Variants in HELLS observed in about 807,000 individuals in gnomAD.
The protein encoded by HELLS is lymphoid-specific helicase.
A neutral mutation model predicts 120.0 loss-of-function variants in HELLS; 32 were observed. That is an observed-to-expected ratio of 0.27 (90% CI 0.20 to 0.36). The LOEUF (loss-of-function observed/expected upper bound fraction) is 0.36, where lower values mean the gene tolerates loss of function less well. Among genes scored for constraint, HELLS ranks in the 10% least tolerant of loss-of-function variants. The probability of loss-of-function intolerance (pLI) is 1.00; values close to 1 mark genes in which losing one functional copy is unlikely to be tolerated. For missense variants in HELLS, 650 were observed against 993.4 expected (o/e 0.65, Z 4.65); for synonymous variants, 341 against 323.4 (o/e 1.05, Z -0.58).
chr10:94,589,608 G>A (rs1163317570), intron 13 of HELLS, among the ~76,000 whole-genome samples: 2 of 149,980 alleles, frequency 1.3e-5, no homozygotes, highest in African/African-American at 2.5e-5. Flanking sequence ...ATAAACCTAC[G>A]TATTTTCTTT....
intron 6 of HELLS, chr10:94,571,148 A>G (rs1272259174): frequency 3.1e-6 from 1 of 320,810 alleles, no homozygotes; most frequent in Non-Finnish European, 5.6e-6. Flanking sequence ...AAGCTGGAAA[A>G]TCACTGTATT....
At chr10:94,598,612 T>G (rs879741920) in intron 21 of HELLS, among the ~76,000 whole-genome samples, 91 of 151,290 alleles carry the variant, frequency 6.0e-4, no homozygotes, top group South Asian at 2.7e-3. Flanking sequence ...GGAAGTTTTT[T>G]TTTTTTTTTT....
At position 94,596,859 on chromosome 10, in the gene HELLS, G is replaced by T. The variant is rs1324396851; in HGVS notation, c.2249-1G>T. 1 of 1,385,698 alleles carries T rather than the reference G, an allele frequency of 7.2e-7. No individual in the cohort carries two copies. The highest frequency in any genetic ancestry group is 1.0e-6 in the Non-Finnish European group (1 of 987,196). The allele number at this position is 1,385,698 out of a possible 1,614,324, so 85.8% of individuals were successfully genotyped here. A position where few individuals can be genotyped will look rare whatever the true frequency, so the allele number is the denominator to read the frequency against. On this transcript the variant is annotated splice_acceptor_variant, in intron 19 of 21. Coordinates refer to ENST00000348459, the MANE Select transcript of HELLS (RefSeq NM_018063.5). LOFTEE classifies it high-confidence loss of function. ...TGTTTTTAATTTCTCATTTTTTTTAGATCATTTCAAAGGTGGTCAGTCTGG... is the reference window on the plus strand; with the variant it reads ...TGTTTTTAATTTCTCATTTTTTTTATATCATTTCAAAGGTGGTCAGTCTGG...
intron 19 of HELLS, 61 bp downstream of exon 19, chr10:94,594,915 G>GT: frequency 3.0e-6 from 4 of 1,315,746 alleles, no homozygotes; most frequent in Non-Finnish European, 4.2e-6. Flanking sequence ...TGTGGATTTT[G>GT]TTTTTATTTT....
chr10:94,613,157 G>C (rs1846211139), exon 10 of HELLS: 1 of 152,154 alleles, frequency 6.6e-6, no homozygotes, highest in Admixed American at 6.5e-5. Flanking sequence ...GTACTTTTCA[G>C]AACGATTGTG....
At chr10:94,594,903 G>C (rs1218007251) in intron 19 of HELLS, 49 bp downstream of exon 19, 1 of 1,391,340 alleles carries the variant, frequency 7.2e-7, no homozygotes, top group Non-Finnish European at 1.0e-6. Context: ...TGCATTGTGT[G>C]TTGTGGATTT....
intron 4 of HELLS, 41 bp from the exon 5 acceptor site, chr10:94,562,650 G>A (rs1156298272): frequency 1.4e-6 from 2 of 1,388,148 alleles, no homozygotes; most frequent in South Asian, 2.5e-5. Context: ...ATACTATGAA[G>A]GTCCTTAATA....
chr10:94,563,971 C>T (rs1290381199), intron 6 of HELLS, among the ~76,000 whole-genome samples: 3 of 151,932 alleles, frequency 2.0e-5, no homozygotes, highest in Non-Finnish European at 2.9e-5. Context: ...CCACCACACC[C>T]GGCTAATTTT....
chr10:94,609,011 C>CTTT lies in HELLS; in HGVS notation c.*2-815_*2-813dup, dbSNP rs71031590. On this transcript the variant is annotated intron_variant, in intron 9 of 9. Transcript: ENST00000371327. Reference sequence around the variant, plus strand: ...TTACACTTTTTGTCTGTATCCACCTCTTTTTTTTTTTTTTTTTTTTTTTTT... The same window carrying CTTT: ...TTACACTTTTTGTCTGTATCCACCTCTTTTTTTTTTTTTTTTTTTTTTTTTTTT... 2.4e-3 allele frequency among the ~76,000 whole-genome samples: 164 copies of CTTT among 68,234 alleles called. 22 individuals carry two copies. Among genetic ancestry groups the CTTT allele is most frequent in the African/African-American group, 3.4e-3 (60 of 17,402 alleles). The allele number at this position is 68,234 out of a possible 152,430, so 44.8% of individuals were successfully genotyped here. A position where few individuals can be genotyped will look rare whatever the true frequency, so the allele number is the denominator to read the frequency against.
chr10:94,603,209 ACTC>A (rs1303292146), downstream of HELLS, among the ~76,000 whole-genome samples: 2 of 151,686 alleles, frequency 1.3e-5, no homozygotes, highest in East Asian at 3.9e-4. Flanking sequence ...TTATAGCAAA[ACTC>A]CTTGCCTGTA....
intron 2 of HELLS, 46 bp from the exon 3 acceptor site, chr10:94,554,080 T>C: frequency 6.6e-7 from 1 of 1,504,306 alleles, no homozygotes; most frequent in Non-Finnish European, 8.8e-7. Context: ...AAAATTAAGG[T>C]ATGTCAGAAA....
intron 2 of HELLS, among the ~76,000 whole-genome samples, chr10:94,551,925 G>A (rs1842997177): frequency 6.6e-6 from 1 of 151,996 alleles, no homozygotes; most frequent in South Asian, 2.1e-4. Context: ...ATTTTTAGTA[G>A]AGACAGGGTT....
At chr10:94,610,348 TG>T (rs1220679782) in exon 10 of HELLS, 1 of 151,990 alleles carries the variant, frequency 6.6e-6, no homozygotes, top group African/African-American at 2.4e-5. Context: ...CCCAGCAGTT[TG>T]GGAGGCTGAG....
intron 2 of HELLS, among the ~76,000 whole-genome samples, chr10:94,548,067 A>G (rs1224690542): frequency 6.6e-6 from 1 of 152,228 alleles, no homozygotes; most frequent in Non-Finnish European, 1.5e-5. Flanking sequence ...CCATGACCAA[A>G]TAAGTAATGA....
At chr10:94,590,815 C>G in intron 15 of HELLS, 39 bp downstream of exon 15, 2 of 1,201,210 alleles carry the variant, frequency 1.7e-6, no homozygotes, top group Non-Finnish European at 2.3e-6. Flanking sequence ...TTTTGATTTC[C>G]ATTACTTTTA....
intron 12 of HELLS, among the ~76,000 whole-genome samples, chr10:94,585,885 A>G (rs1470746853): frequency 6.6e-6 from 1 of 151,754 alleles, no homozygotes; most frequent in African/African-American, 2.4e-5. Flanking sequence ...TTTTTGGTAG[A>G]TGGGTCTTGT....
At chr10:94,547,884 A>G (rs1842811648) in intron 2 of HELLS, among the ~76,000 whole-genome samples, 1 of 152,168 alleles carries the variant, frequency 6.6e-6, no homozygotes, top group South Asian at 2.1e-4. Context: ...GTTATTACTG[A>G]TGATCTCTGG....
At chr10:94,555,459 C>A (rs534448735) in intron 3 of HELLS, among the ~76,000 whole-genome samples, 58 of 151,994 alleles carry the variant, frequency 3.8e-4, no homozygotes, top group South Asian at 2.5e-3. Flanking sequence ...ATAAAAAAAA[C>A]CCCAAAAGGG....
intron 1 of HELLS, among the ~76,000 whole-genome samples, 191 bp from the exon 2 acceptor site, chr10:94,546,186 A>G (rs2134259627): frequency 6.6e-6 from 1 of 152,234 alleles, no homozygotes; most frequent in South Asian, 2.1e-4. Flanking sequence ...CCCGAGTTGT[A>G]AACTGTGGTC....
Sources: allele counts gnomAD v4.1 joint callset (sites outside exome capture counted in the v4.1 genomes callset), GRCh38; gene constraint gnomAD v4.1.1; transcripts MANE v1.5; gene names NCBI Gene and HGNC (gene_info 2026-07-23, HGNC 2026-07-21).